PARD3: variants seen among roughly 807,000 people sequenced by gnomAD.
PARD3 encodes partitioning defective 3 homolog.
In PARD3, 75 loss-of-function variants were observed where a neutral mutation model predicts 155.4. That is an observed-to-expected ratio of 0.48 (90% CI 0.40 to 0.58). PARD3 has a LOEUF of 0.58. Among genes scored for constraint, PARD3 ranks in the 20% least tolerant of loss-of-function variants. The pLI, the probability that PARD3 is intolerant of heterozygous loss-of-function variation, is 0.00. For missense variants in PARD3, 1,642 were observed against 1,721.7 expected (o/e 0.95, Z 0.82); for synonymous variants, 576 against 610.5 (o/e 0.94, Z 0.83).
intron 3 of PARD3, among the ~76,000 whole-genome samples, chr10:34,505,844 G>T (rs946938726): frequency 2.6e-5 from 4 of 152,184 alleles, no homozygotes; most frequent in African/African-American, 9.6e-5. Flanking sequence ...TAGAAATACT[G>T]ATGCCAGGCT....
intron 22 of PARD3, among the ~76,000 whole-genome samples, chr10:34,177,013 ATGTGTGTT>A (rs1950061337): frequency 6.7e-6 from 1 of 149,828 alleles, no homozygotes. Flanking sequence ...TGTGGTGTAC[ATGTGTGTT>A]TGTGTGTCGG....
At chr10:34,692,747 A>C (rs1444324112) in intron 2 of PARD3, among the ~76,000 whole-genome samples, 1 of 152,078 alleles carries the variant, frequency 6.6e-6, no homozygotes, top group Non-Finnish European at 1.5e-5. Context: ...GGTGGCGGGC[A>C]CCTGTAATCC....
At chr10:34,275,146 G>A (rs1955814762) in intron 21 of PARD3, among the ~76,000 whole-genome samples, 1 of 152,072 alleles carries the variant, frequency 6.6e-6, no homozygotes, top group African/African-American at 2.4e-5. Context: ...AAACGTTAAA[G>A]CCCCATCTGT....
At chr10:34,185,813 A>G (rs945814605) in intron 22 of PARD3, among the ~76,000 whole-genome samples, 1 of 65,076 alleles carries the variant, frequency 1.5e-5, no homozygotes, top group Non-Finnish European at 3.1e-5. Flanking sequence ...AACATCTTCT[A>G]TATTATATTA....
chr10:34,154,470 C>A (rs1948910851), intron 22 of PARD3, among the ~76,000 whole-genome samples: 2 of 152,136 alleles, frequency 1.3e-5, no homozygotes, highest in Admixed American at 1.3e-4. Flanking sequence ...TGCTTGGATC[C>A]TGAGCAAGGG....
intron 18 of PARD3, among the ~76,000 whole-genome samples, chr10:34,334,007 A>G (rs1398709354): frequency 1.3e-5 from 2 of 151,930 alleles, no homozygotes; most frequent in African/African-American, 4.8e-5. Context: ...GAAAATTGAA[A>G]AAGTCTTTTT....
chr10:34,617,406 T>C (rs756066701), intron 2 of PARD3, among the ~76,000 whole-genome samples: 1 of 152,200 alleles, frequency 6.6e-6, no homozygotes, highest in African/African-American at 2.4e-5. Context: ...TAAGTTCTAG[T>C]GGTCTAAGGC....
intron 3 of PARD3, among the ~76,000 whole-genome samples, chr10:34,508,957 G>C (rs1020759029): frequency 1.3e-5 from 2 of 152,102 alleles, no homozygotes; most frequent in Non-Finnish European, 2.9e-5. Flanking sequence ...AAACCATCCT[G>C]AGGCAGGTAC....
At chr10:34,528,914 C>T (rs1423667576) in intron 2 of PARD3, among the ~76,000 whole-genome samples, 1 of 152,066 alleles carries the variant, frequency 6.6e-6, no homozygotes, top group Non-Finnish European at 1.5e-5. Flanking sequence ...TATTCAAATG[C>T]AGAATGGAGA....
chr10:34,307,491 A>C (rs114267303), intron 20 of PARD3, among the ~76,000 whole-genome samples: 1 of 152,324 alleles, frequency 6.6e-6, no homozygotes, highest in African/African-American at 2.4e-5. Flanking sequence ...TAATGTCAGC[A>C]GATGTGGGCA....
chr10:34,320,411 G>A (rs1224264668), intron 19 of PARD3, among the ~76,000 whole-genome samples: 1 of 152,134 alleles, frequency 6.6e-6, no homozygotes, highest in Non-Finnish European at 1.5e-5. Flanking sequence ...ACTATAAACA[G>A]AAAAATGAGC....
intron 13 of PARD3, 64 bp from the exon 14 acceptor site, chr10:34,359,381 C>A: frequency 1.7e-6 from 2 of 1,170,566 alleles, no homozygotes; most frequent in Non-Finnish European, 2.4e-6. Context: ...AGTAGCTTTT[C>A]CTTTAGTTAA....
intron 4 of PARD3, among the ~76,000 whole-genome samples, chr10:34,465,111 T>C (rs1378396563): frequency 6.6e-6 from 1 of 152,232 alleles, no homozygotes; most frequent in Non-Finnish European, 1.5e-5. Context: ...CTGCATTATA[T>C]AGGAAATTAG....
At chr10:34,421,123 G>C (rs1047303521) in intron 5 of PARD3, among the ~76,000 whole-genome samples, 2 of 152,128 alleles carry the variant, frequency 1.3e-5, no homozygotes, top group Non-Finnish European at 2.9e-5. Context: ...AGTGAGCCAT[G>C]ATCATTCCAC....
intron 2 of PARD3, among the ~76,000 whole-genome samples, chr10:34,570,374 C>T (rs966536592): frequency 6.6e-6 from 1 of 152,188 alleles, no homozygotes. Flanking sequence ...GTGAGAGGCA[C>T]ACTAATATAT....
intron 2 of PARD3, among the ~76,000 whole-genome samples, chr10:34,590,275 C>A (rs563517716): frequency 6.6e-6 from 1 of 152,312 alleles, no homozygotes; most frequent in South Asian, 2.1e-4. Flanking sequence ...CCCACACCAA[C>A]GTCCACTCAA....
chr10:34,768,715 A>T (rs111991003), intron 1 of PARD3, among the ~76,000 whole-genome samples: 3,957 of 152,292 alleles, frequency 0.026, 176 homozygotes, highest in African/African-American at 0.09. Context: ...GAGAAGGGAA[A>T]ACTTACTTGG....
At position 34,555,491 on chromosome 10, in the gene PARD3, A is replaced by G. The variant is rs1163870868; in HGVS notation, c.223-38332T>C. ...CTCCTAGGAAAATTTTATATCATAA[A>G]TAATTGAGGAACAAAACAAAACAAA... On this transcript the variant is annotated intron_variant, in intron 2 of 24. Transcript: ENST00000374788. Among the ~76,000 whole-genome samples the G allele has an allele frequency of 2.0e-5, 3 of 152,322 alleles. No homozygotes were observed. The East Asian group carries it at 5.8e-4, about 29-fold the overall frequency.
At chr10:34,205,049 C>T (rs1343515652) in intron 22 of PARD3, among the ~76,000 whole-genome samples, 2 of 152,152 alleles carry the variant, frequency 1.3e-5, no homozygotes, top group Non-Finnish European at 2.9e-5. Context: ...GGATGATTAT[C>T]ATCAAAAAAG....
Sources: gnomAD v4.1 joint callset for allele counts (sites outside exome capture counted in the v4.1 genomes callset) on GRCh38, gnomAD v4.1.1 for gene constraint, MANE v1.5 for transcripts, NCBI Gene and HGNC (gene_info 2026-07-23, HGNC 2026-07-21) for gene names.